GRAMD1B: variants seen among roughly 807,000 people sequenced by gnomAD.
GRAMD1B encodes GRAM domain containing 1B, also known as protein Aster-B.
Under a neutral mutation model 99.7 loss-of-function variants are expected in GRAMD1B, and 37 were observed. The ratio of observed to expected loss-of-function variants is 0.37; its 90% CI spans 0.29 to 0.49. GRAMD1B has a LOEUF of 0.49. Ranked by LOEUF, GRAMD1B falls within the 20% of genes least tolerant of loss-of-function variation. The probability of loss-of-function intolerance (pLI) is 0.98; values close to 1 mark genes in which losing one functional copy is unlikely to be tolerated. For missense variants in GRAMD1B, 888 were observed against 1,009.2 expected (o/e 0.88, Z 1.63); for synonymous variants, 427 against 387.6 (o/e 1.10, Z -1.19).
At position 123,521,107 on chromosome 11, in the gene GRAMD1B, C is replaced by T. The variant is rs963754069; in HGVS notation, c.452+40214C>T. 7.9e-5 allele frequency among the ~76,000 whole-genome samples: 12 copies of T among 152,242 alleles called. No individual in the cohort carries two copies. In the South Asian group the frequency reaches 1.5e-3, roughly 18 times the overall value. Reference sequence around the variant, plus strand: ...TTCTATTATTGGAGTAGAACTGTTACGTATTAGAGTATGCAATCATCCAAC... The same window carrying T: ...TTCTATTATTGGAGTAGAACTGTTATGTATTAGAGTATGCAATCATCCAAC... On this transcript the variant is annotated intron_variant, in intron 2 of 19. Transcript: ENST00000635736.
At chr11:123,365,206 C>T (rs1946276596) in intron 1 of GRAMD1B, among the ~76,000 whole-genome samples, 1 of 152,028 alleles carries the variant, frequency 6.6e-6, no homozygotes, top group African/African-American at 2.4e-5. Flanking sequence ...TATGATTTTC[C>T]ACACCATGCT....
intron 1 of GRAMD1B, among the ~76,000 whole-genome samples, chr11:123,400,312 A>C (rs1236713089): frequency 6.6e-6 from 1 of 152,060 alleles, no homozygotes; most frequent in East Asian, 1.9e-4. Flanking sequence ...CCTCGCCTCT[A>C]CTAGAGATAC....
intron 2 of GRAMD1B, among the ~76,000 whole-genome samples, chr11:123,565,241 G>A (rs1947231836): frequency 7.2e-6 from 1 of 139,398 alleles, no homozygotes; most frequent in Non-Finnish European, 1.5e-5. Context: ...GTCTTGCTAT[G>A]TTGCCCAGCC....
intron 2 of GRAMD1B, among the ~76,000 whole-genome samples, chr11:123,504,154 G>T (rs1423465018): frequency 6.8e-4 from 104 of 152,126 alleles, no homozygotes; most frequent in Non-Finnish European, 1.2e-4. Context: ...GCTAAGGGAG[G>T]TGGATTTCCC....
chr11:123,536,018 T>C (rs767226540), intron 2 of GRAMD1B, among the ~76,000 whole-genome samples: 7 of 152,176 alleles, frequency 4.6e-5, no homozygotes, highest in Non-Finnish European at 1.0e-4. Flanking sequence ...CCTTCAGCTA[T>C]GTGGCGGGCC....
chr11:123,612,987 A>G (rs1051593462), intron 15 of GRAMD1B, 123 bp downstream of exon 15: 16 of 643,152 alleles, frequency 2.5e-5, no homozygotes, highest in South Asian at 5.8e-5. Flanking sequence ...AAGTAGTTTC[A>G]TGAGGTACCC....
intron 2 of GRAMD1B, among the ~76,000 whole-genome samples, chr11:123,489,886 C>T (rs949354553): frequency 5.9e-5 from 9 of 152,164 alleles, no homozygotes; most frequent in Admixed American, 5.2e-4. Context: ...TGATCAATTA[C>T]GCACTATCGG....
At chr11:123,502,041 C>T (rs1939921919) in intron 2 of GRAMD1B, among the ~76,000 whole-genome samples, 1 of 152,196 alleles carries the variant, frequency 6.6e-6, no homozygotes, top group Non-Finnish European at 1.5e-5. Flanking sequence ...CTCCTGGGCT[C>T]ACCAGCATCC....
At chr11:123,594,873 C>T (rs1190894208) in intron 6 of GRAMD1B, 35 bp downstream of exon 6, 2 of 1,102,476 alleles carry the variant, frequency 1.8e-6, no homozygotes, top group African/African-American at 1.5e-5. Context: ...GGGCTGTCTC[C>T]TTGGCTATGG....
chr11:123,369,479 T>C (rs755787597), intron 1 of GRAMD1B, among the ~76,000 whole-genome samples: 1 of 151,928 alleles, frequency 6.6e-6, no homozygotes, highest in Non-Finnish European at 1.5e-5. Context: ...GGGATTAAAT[T>C]TGTAGAAGGA....
chr11:123,559,570 T>C, intron 2 of GRAMD1B: 1 of 530,452 alleles, frequency 1.9e-6, no homozygotes, highest in Non-Finnish European at 2.4e-6. Context: ...GCCAGAACTT[T>C]CCTCTGGGGG....
chr11:123,432,555 CAAAA>C (rs11380139), intron 1 of GRAMD1B, among the ~76,000 whole-genome samples: 1 of 126,426 alleles, frequency 7.9e-6, no homozygotes, highest in Non-Finnish European at 1.7e-5. Context: ...GACTCTGTCT[CAAAA>C]AAAAAAAAAA....
chr11:123,388,713 AC>A (rs1429235608), intron 1 of GRAMD1B, among the ~76,000 whole-genome samples: 13 of 150,836 alleles, frequency 8.6e-5, no homozygotes, highest in Non-Finnish European at 1.8e-4. Context: ...AAACAAACAA[AC>A]AAAGAAGAGG....
chr11:123,584,318 C>A lies in GRAMD1B; in HGVS notation c.670C>A (p.Gln224Lys). The A allele has an allele frequency of 9.4e-7, 1 of 1,067,294 alleles. No homozygotes were observed. The highest frequency in any genetic ancestry group is 3.3e-5 in the Admixed American group (1 of 29,934). 66.1% of individuals were successfully genotyped at this position (1,067,294 alleles called of 1,614,324 possible). A position where few individuals can be genotyped will look rare whatever the true frequency, so the allele number is the denominator to read the frequency against. Residue 224 changes from glutamine (Q) to lysine (K), a missense_variant, in exon 4 of 20, where the codon CAG becomes AAG. By Grantham distance (53) the Gln-to-Lys change is moderately conservative. This residue lies in a region of GRAMD1B where 62 missense variants were observed against 139.4 expected (regional missense o/e 0.44). Coordinates refer to ENST00000635736, the MANE Select transcript of GRAMD1B (RefSeq NM_001387025.1). ...TTTCATTTTCTCTTTTCAGAAAAGC[C>A]AGAGTTGGTATAATGTAAGTATTCC... is the stretch of plus-strand genomic sequence containing the variant. ...RSGGKNSKKSQSWYNVLSPTY... is the reference protein window; with the variant it reads ...RSGGKNSKKSKSWYNVLSPTY...
chr11:123,503,628 C>A (rs1378533565), intron 2 of GRAMD1B, among the ~76,000 whole-genome samples: 2 of 151,690 alleles, frequency 1.3e-5, no homozygotes, highest in East Asian at 3.9e-4. Flanking sequence ...CTCACTGCAA[C>A]CTCTGCCTCC....
At chr11:123,435,343 AG>A (rs1949111005) in intron 1 of GRAMD1B, 5 of 689,128 alleles carry the variant, frequency 7.3e-6, no homozygotes, top group Non-Finnish European at 1.3e-5. Context: ...AGAGGGCCAT[AG>A]CTTGTGGATT....
chr11:123,456,945 AAAAG>A (rs915436449), intron 1 of GRAMD1B, among the ~76,000 whole-genome samples: 4 of 148,896 alleles, frequency 2.7e-5, no homozygotes, highest in East Asian at 2.0e-4. Flanking sequence ...AAAGAAAAAG[AAAAG>A]AAAGAAAGAA....
intron 2 of GRAMD1B, among the ~76,000 whole-genome samples, chr11:123,569,673 A>G (rs1001794471): frequency 6.6e-6 from 1 of 152,178 alleles, no homozygotes; most frequent in East Asian, 1.9e-4. Context: ...TTCGAAGGGG[A>G]GTTGGCTAAT....
chr11:123,551,987 A>T (rs1945659977), intron 2 of GRAMD1B, among the ~76,000 whole-genome samples: 1 of 152,098 alleles, frequency 6.6e-6, no homozygotes, highest in Non-Finnish European at 1.5e-5. Context: ...TATTTAATTT[A>T]TCCTCGTTTT....
Sources: allele counts gnomAD v4.1 joint callset (sites outside exome capture counted in the v4.1 genomes callset), GRCh38; gene constraint gnomAD v4.1.1; regional missense constraint gnomAD v4.1.1; transcripts MANE v1.5; gene names NCBI Gene and HGNC (gene_info 2026-07-23, HGNC 2026-07-21).